MYO1D: variants seen among roughly 807,000 people sequenced by gnomAD.
The protein encoded by MYO1D is myosin ID, also known as unconventional myosin-Id.
Under a neutral mutation model 122.0 loss-of-function variants are expected in MYO1D, and 83 were observed. The ratio of observed to expected loss-of-function variants is 0.68; its 90% CI spans 0.57 to 0.82. The LOEUF is 0.82. Ranked by LOEUF, MYO1D falls within the 40% of genes least tolerant of loss-of-function variation. The probability of loss-of-function intolerance (pLI) is 0.00; values close to 1 mark genes in which losing one functional copy is unlikely to be tolerated. For synonymous variants in MYO1D, 464 were observed against 446.9 expected, an observed-to-expected ratio of 1.04 and a Z score of -0.48; for missense variants, 1,157 against 1,269.5, an observed-to-expected ratio of 0.91 and a Z score of 1.35.
intron 13 of MYO1D, among the ~76,000 whole-genome samples, chr17:32,739,694 C>T (rs890786940): frequency 6.6e-6 from 1 of 152,124 alleles, no homozygotes; most frequent in Non-Finnish European, 1.5e-5. Flanking sequence ...GCATTCATTG[C>T]TAATTGCTCT....
chr17:32,630,299 A>T (rs796266355), intron 20 of MYO1D, among the ~76,000 whole-genome samples: 66 of 152,092 alleles, frequency 4.3e-4, no homozygotes, highest in African/African-American at 1.6e-3. Context: ...CCTGGGCTCA[A>T]GCAATCTTCC....
At chr17:32,540,487 A>T (rs900559113) in intron 21 of MYO1D, among the ~76,000 whole-genome samples, 3 of 152,182 alleles carry the variant, frequency 2.0e-5, no homozygotes, top group Non-Finnish European at 2.9e-5. Context: ...TAGACAAAGG[A>T]TCTAAATAGA....
intron 1 of MYO1D, among the ~76,000 whole-genome samples, chr17:32,806,894 T>C (rs1055973884): frequency 1.1e-4 from 16 of 152,196 alleles, no homozygotes; most frequent in Non-Finnish European, 2.2e-4. Context: ...GAGTCAACAG[T>C]GAATGGCATT....
chr17:32,577,894 A>T (rs2087293789), intron 21 of MYO1D, among the ~76,000 whole-genome samples: 1 of 151,982 alleles, frequency 6.6e-6, no homozygotes, highest in Non-Finnish European at 1.5e-5. Flanking sequence ...ACCCGCCACC[A>T]CGCCTGGCTA....
At chr17:32,847,663 C>T (rs1245430119) in intron 1 of MYO1D, among the ~76,000 whole-genome samples, 1 of 152,050 alleles carries the variant, frequency 6.6e-6, no homozygotes, top group Non-Finnish European at 1.5e-5. Flanking sequence ...TACAGGCATG[C>T]CCCATCACGC....
At chr17:32,764,796 G>C (rs1350898869) in intron 8 of MYO1D, 82 bp downstream of exon 8, 2 of 1,419,246 alleles carry the variant, frequency 1.4e-6, no homozygotes, top group African/African-American at 1.4e-5. Context: ...TTTCAAGAAT[G>C]TCTGAATACA....
At chr17:32,690,565 G>C (rs572098256) in intron 16 of MYO1D, among the ~76,000 whole-genome samples, 2 of 152,310 alleles carry the variant, frequency 1.3e-5, no homozygotes, top group South Asian at 4.1e-4. Context: ...CCCCAGTGTT[G>C]GAGGTGGGGC....
chr17:32,861,023 C>CT (rs1266009155), intron 1 of MYO1D, among the ~76,000 whole-genome samples: 1 of 151,752 alleles, frequency 6.6e-6, no homozygotes, highest in African/African-American at 2.4e-5. Flanking sequence ...AGAAACAACT[C>CT]TGTTATACTA....
chr17:32,714,618 T>C (rs992277679), intron 15 of MYO1D, among the ~76,000 whole-genome samples: 10 of 152,152 alleles, frequency 6.6e-5, no homozygotes, highest in Admixed American at 2.0e-4. Context: ...TGGCTAGCCA[T>C]ATGCAGAAAA....
rs996009834 is a variant in MYO1D, at chr17:32,861,538, C to T, written c.95+15240G>A. On this transcript the variant is annotated intron_variant, in intron 1 of 21. Transcript: ENST00000318217. ...AATGTGTTGTCACCCTGATGTAAAG[C>T]CCTTCAATTGCTCCCCAACATACTT... Among the ~76,000 whole-genome samples, 65 of 152,192 alleles carry T rather than the reference C, an allele frequency of 4.3e-4. 1 individual carries two copies. The highest frequency in any genetic ancestry group is 1.3e-3 in the African/African-American group (53 of 41,520).
intron 1 of MYO1D, among the ~76,000 whole-genome samples, chr17:32,835,926 C>T (rs867731304): frequency 6.6e-6 from 1 of 152,146 alleles, no homozygotes; most frequent in African/African-American, 2.4e-5. Flanking sequence ...ACTGCGCTCA[C>T]TATGGACTGA....
At chr17:32,782,132 C>G (rs1411072047) in intron 1 of MYO1D, among the ~76,000 whole-genome samples, 3 of 152,196 alleles carry the variant, frequency 2.0e-5, no homozygotes, top group African/African-American at 7.2e-5. Flanking sequence ...TTCCTTTAAG[C>G]TGGAATGAAG....
At chr17:32,861,808 A>C (rs1219315272) in intron 1 of MYO1D, among the ~76,000 whole-genome samples, 1 of 152,106 alleles carries the variant, frequency 6.6e-6, no homozygotes, top group Non-Finnish European at 1.5e-5. Context: ...ACCTGAGCTC[A>C]CAAGTTTGAG....
intron 6 of MYO1D, among the ~76,000 whole-genome samples, chr17:32,770,584 C>A (rs556135316): frequency 6.6e-6 from 1 of 151,948 alleles, no homozygotes; most frequent in South Asian, 2.1e-4. Flanking sequence ...AGCAAAAATA[C>A]GCCTGCATGT....
chr17:32,645,795 G>C (rs544510705), intron 19 of MYO1D, among the ~76,000 whole-genome samples: 11 of 152,018 alleles, frequency 7.2e-5, no homozygotes, highest in Non-Finnish European at 1.0e-4. Context: ...ATTCTAGTTA[G>C]CCATTCATCT....
At chr17:32,813,265 G>C (rs1366184364) in intron 1 of MYO1D, among the ~76,000 whole-genome samples, 1 of 152,218 alleles carries the variant, frequency 6.6e-6, no homozygotes, top group Non-Finnish European at 1.5e-5. Flanking sequence ...AGATACAATG[G>C]TGATCAACAT....
Position 32,772,777 on chromosome 17 carries a change from T to C in MYO1D, c.618+12A>G, listed in dbSNP as rs1421850341. 3 of 1,596,752 alleles carry C rather than the reference T, an allele frequency of 1.9e-6. No homozygotes were observed. Among genetic ancestry groups the C allele is most frequent in the East Asian group, 2.2e-5 (1 of 44,806 alleles). Reference sequence around the variant, plus strand: ...GGCAAATGATCAATTATCTGTATAATGGATTACTAACCTGATAGAAAGAAT... The same window carrying C: ...GGCAAATGATCAATTATCTGTATAACGGATTACTAACCTGATAGAAAGAAT... On this transcript the variant is annotated intron_variant, in intron 5 of 21. Transcript: ENST00000318217.
Position 32,653,971 on chromosome 17 carries a change from A to C in MYO1D, c.2491-24T>G, listed in dbSNP as rs556571264. The C allele has an allele frequency of 1.5e-4, 232 of 1,569,780 alleles. 1 individual carries two copies. The highest frequency in any genetic ancestry group is 1.4e-3 in the South Asian group (122 of 89,392). ...TTCTGAAAGAGAAAGGAAACAAGAC[A>C]AAATGAGTATGCTTAGCATTTTAGA... On this transcript the variant is annotated intron_variant, in intron 18 of 21. Transcript: ENST00000318217.
chr17:32,700,943 C>CAAAAAA (rs751113475), intron 16 of MYO1D, among the ~76,000 whole-genome samples: 1 of 78,206 alleles, frequency 1.3e-5, no homozygotes, highest in Non-Finnish European at 2.6e-5. Context: ...GACTCCATCT[C>CAAAAAA]AAAAAAAAAA....
Sources: allele counts gnomAD v4.1 joint callset (sites outside exome capture counted in the v4.1 genomes callset), GRCh38; gene constraint gnomAD v4.1.1; transcripts MANE v1.5; gene names NCBI Gene and HGNC (gene_info 2026-07-23, HGNC 2026-07-21).